AJAP1: variants seen among roughly 807,000 people sequenced by gnomAD.
AJAP1 encodes adherens junctions associated protein 1.
Under a neutral mutation model 35.0 loss-of-function variants are expected in AJAP1, and 5 were observed. The ratio of observed to expected loss-of-function variants is 0.14; its 90% CI spans 0.07 to 0.30. AJAP1 has a LOEUF of 0.30. Ranked by LOEUF, AJAP1 falls within the 10% of genes least tolerant of loss-of-function variation. The pLI is 1.00. For missense variants in AJAP1, 586 were observed against 571.0 expected, an observed-to-expected ratio of 1.03 and a Z score of -0.27; for synonymous variants, 284 against 249.3, an observed-to-expected ratio of 1.14 and a Z score of -1.31.
rs530797941 is a variant in AJAP1 at position 4,675,061 on chromosome 1, C to T, written c.29+19607C>T. ...AGGGCAGTGGTCAGAGCCATCAGGG[C>T]TGGAGAGCGGTGGGGGGGAAACAGA... is the stretch of plus-strand genomic sequence containing the variant. On this transcript the variant is annotated intron_variant, in intron 1 of 5. Coordinates refer to ENST00000378191, the MANE Select transcript of AJAP1 (RefSeq NM_018836.4). Among the ~76,000 whole-genome samples, 14 of 152,296 alleles carry T rather than the reference C, an allele frequency of 9.2e-5. 1 individual carries two copies. In the South Asian group the frequency reaches 2.9e-3, roughly 32 times the overall value.
At chr1:4,745,711 A>G (rs1325938140) in intron 2 of AJAP1, among the ~76,000 whole-genome samples, 2 of 152,196 alleles carry the variant, frequency 1.3e-5, no homozygotes, top group African/African-American at 4.8e-5. Flanking sequence ...GCTTTGAGTC[A>G]GAGTCAGCAG....
At chr1:4,698,628 C>T (rs1174379588) in intron 1 of AJAP1, among the ~76,000 whole-genome samples, 1 of 152,188 alleles carries the variant, frequency 6.6e-6, no homozygotes, top group African/African-American at 2.4e-5. Context: ...CCCCTGGCCA[C>T]CTGAGGAGTG....
chr1:4,757,203 C>G (rs1641452649), intron 2 of AJAP1, among the ~76,000 whole-genome samples: 1 of 152,258 alleles, frequency 6.6e-6, no homozygotes, highest in Non-Finnish European at 1.5e-5. Flanking sequence ...GCCTTCAGCA[C>G]AGACCCCTCC....
chr1:4,738,553 G>A (rs1360068534), intron 2 of AJAP1, among the ~76,000 whole-genome samples: 1 of 152,166 alleles, frequency 6.6e-6, no homozygotes, highest in East Asian at 1.9e-4. Context: ...GGAAGGATTA[G>A]CACAGAGCAG....
At chr1:4,764,240 C>T (rs2100350895) in intron 2 of AJAP1, among the ~76,000 whole-genome samples, 1 of 152,320 alleles carries the variant, frequency 6.6e-6, no homozygotes. Flanking sequence ...CCTTGGAAGA[C>T]TCTGCGGGGT....
At chr1:4,767,036 A>G (rs947051101) in intron 2 of AJAP1, among the ~76,000 whole-genome samples, 3 of 152,256 alleles carry the variant, frequency 2.0e-5, no homozygotes, top group East Asian at 1.9e-4. Flanking sequence ...TGCACCCTTC[A>G]CGTTTTAATG....
In AJAP1 at chr1:4,782,991, G is replaced by A; in HGVS notation, c.*506G>A. The A allele has an allele frequency of 2.5e-6, 1 of 396,772 alleles. No individual in the cohort carries two copies. Among genetic ancestry groups the A allele is most frequent in the Non-Finnish European group, 4.4e-6 (1 of 225,528 alleles). The allele number at this position is 396,772 out of a possible 1,614,324, so 24.6% of individuals were successfully genotyped here. A position where few individuals can be genotyped will look rare whatever the true frequency, so the allele number is the denominator to read the frequency against. On this transcript the variant is annotated 3_prime_UTR_variant, in exon 6 of 6. Coordinates refer to ENST00000378191, the MANE Select transcript of AJAP1 (RefSeq NM_018836.4). The surrounding 1 kb of genome is among the most constrained non-coding windows in gnomAD (Gnocchi z 5.3). ...ACAGGGGTGGGAATCTCTTCCGATA[G>A]AGTCGCTATTTCTGGTTAATATACA... is the stretch of plus-strand genomic sequence containing the variant.
At chr1:4,710,319 G>C (rs752033132) in intron 1 of AJAP1, among the ~76,000 whole-genome samples, 1 of 151,866 alleles carries the variant, frequency 6.6e-6, no homozygotes, top group Non-Finnish European at 1.5e-5. Context: ...AGACACCCTG[G>C]CCCTCACTCA....
chr1:4,764,510 G>C (rs1641639035), intron 2 of AJAP1, among the ~76,000 whole-genome samples: 1 of 152,096 alleles, frequency 6.6e-6, no homozygotes, highest in African/African-American at 2.4e-5. Context: ...CTTTTTCAAG[G>C]ACTGCTGTGA....
intron 2 of AJAP1, among the ~76,000 whole-genome samples, chr1:4,749,633 A>C (rs1243621800): frequency 1.3e-5 from 2 of 152,218 alleles, no homozygotes; most frequent in Non-Finnish European, 2.9e-5. Flanking sequence ...TATTTGGTGC[A>C]TCTCCCTCAT....
rs1380971426 is a variant in AJAP1 at position 4,765,684 on chromosome 1, A to C, written c.830-4169A>C. Among the ~76,000 whole-genome samples, 9 of 152,368 alleles carry C rather than the reference A, an allele frequency of 5.9e-5. No individual in the cohort carries two copies. The East Asian group carries it at 1.2e-3, about 20-fold the overall frequency. ...TTTTAAACATGGAGAAAATGGAGAT[A>C]GACATGGCTGAAATAGTTCTAAGAG... On this transcript the variant is annotated intron_variant, in intron 2 of 5. Coordinates refer to ENST00000378191, the MANE Select transcript of AJAP1 (RefSeq NM_018836.4).
Position 4,786,353 on chromosome 1 carries a change from C to T in AJAP1, c.*3868C>T, listed in dbSNP as rs1301012212. On this transcript the variant is annotated 3_prime_UTR_variant, in exon 6 of 6. Coordinates refer to ENST00000378191, the MANE Select transcript of AJAP1 (RefSeq NM_018836.4). ...CTCCCAGAAATTCACTCCAGTCCTTCCTGGAGCATTGTGAAATTAGAAACC... is the reference window on the plus strand; with the variant it reads ...CTCCCAGAAATTCACTCCAGTCCTTTCTGGAGCATTGTGAAATTAGAAACC... 6.6e-6 allele frequency: 1 copy of T among 152,168 alleles called. No homozygotes were observed. Among genetic ancestry groups the T allele is most frequent in the African/African-American group, 2.4e-5 (1 of 41,442 alleles). 9.4% of individuals were successfully genotyped at this position (152,168 alleles called of 1,614,324 possible).
rs1458692551 is a variant in AJAP1 at position 4,655,311 on chromosome 1, G to C, written c.-115G>C. On this transcript the variant is annotated 5_prime_UTR_variant, in exon 1 of 6. Coordinates refer to ENST00000378191, the MANE Select transcript of AJAP1 (RefSeq NM_018836.4). The surrounding 1 kb of genome is among the most constrained non-coding windows in gnomAD (Gnocchi z 6.9). ...GCCCCGCGGCCGGCGGGCGGCGGGAGGCGGCGGACCGAGAGCCGGAGACCG... is the reference window on the plus strand; with the variant it reads ...GCCCCGCGGCCGGCGGGCGGCGGGACGCGGCGGACCGAGAGCCGGAGACCG... 1.2e-6 allele frequency: 1 copy of C among 869,328 alleles called. No individual in the cohort carries two copies. The highest frequency in any genetic ancestry group is 1.8e-5 in the African/African-American group (1 of 54,510). 53.9% of individuals were successfully genotyped at this position (869,328 alleles called of 1,614,324 possible).
At chr1:4,763,007 G>A (rs960686884) in intron 2 of AJAP1, among the ~76,000 whole-genome samples, 2 of 151,906 alleles carry the variant, frequency 1.3e-5, no homozygotes, top group Admixed American at 6.6e-5. Flanking sequence ...AGGGAGAAGG[G>A]GTGTTAAAAG....
At chr1:4,713,118 C>T (rs1640304708) in intron 2 of AJAP1, among the ~76,000 whole-genome samples, 1 of 152,184 alleles carries the variant, frequency 6.6e-6, no homozygotes, top group Admixed American at 6.5e-5. Flanking sequence ...GATCCCCCCG[C>T]CCCAGAGTCT....
intron 2 of AJAP1, among the ~76,000 whole-genome samples, chr1:4,725,408 G>A (rs1451339548): frequency 2.6e-5 from 4 of 152,160 alleles, no homozygotes; most frequent in African/African-American, 7.2e-5. Flanking sequence ...CACGGGCAGG[G>A]CTGTCGTCAT....
intron 2 of AJAP1, among the ~76,000 whole-genome samples, chr1:4,718,075 T>C (rs1049141836): frequency 1.3e-5 from 2 of 152,132 alleles, no homozygotes; most frequent in Non-Finnish European, 2.9e-5. Flanking sequence ...GGCTGGTCTT[T>C]AGGGTCTTAA....
rs1008391578 is a variant in AJAP1 at position 4,790,254 on chromosome 1, A to G, written c.*7769A>G. 9 of 152,218 alleles carry G rather than the reference A, an allele frequency of 5.9e-5. No homozygotes were observed. Among genetic ancestry groups the G allele is most frequent in the Non-Finnish European group, 4.4e-5 (3 of 68,034 alleles). 9.4% of individuals were successfully genotyped at this position (152,218 alleles called of 1,614,324 possible). On this transcript the variant is annotated 3_prime_UTR_variant, in exon 6 of 6. Coordinates refer to ENST00000378191, the MANE Select transcript of AJAP1 (RefSeq NM_018836.4). ...CTCCGCAGTCTATTCTGGGGTGGAA[A>G]CACCATTCTCTATTATTTCTCTCAC...
At position 4,723,366 on chromosome 1, in the gene AJAP1, C is replaced by T. The variant is rs1220247345; in HGVS notation, c.829+10667C>T. On this transcript the variant is annotated intron_variant, in intron 2 of 5. Coordinates refer to ENST00000378191, the MANE Select transcript of AJAP1 (RefSeq NM_018836.4). The surrounding 1 kb of genome is among the most constrained non-coding windows in gnomAD (Gnocchi z 4.3). The stretch of plus-strand genomic sequence containing the variant: ...GGTGCAGCCCGGAGTAGAAGCTCAG[C>T]GGAGCCTCGGGTGTGTGGAAGGTCT... Among the ~76,000 whole-genome samples the T allele has an allele frequency of 1.3e-5, 2 of 152,110 alleles. No homozygotes were observed. Among genetic ancestry groups the T allele is most frequent in the Non-Finnish European group, 2.9e-5 (2 of 68,020 alleles).
Sources: allele counts gnomAD v4.1 joint callset (sites outside exome capture counted in the v4.1 genomes callset), GRCh38; gene constraint gnomAD v4.1.1; non-coding constraint Gnocchi (gnomAD v3.1); transcripts MANE v1.5; gene names NCBI Gene and HGNC (gene_info 2026-07-23, HGNC 2026-07-21).